The following ARHGEF4 variants were observed in gnomAD, a reference collection of about 807,000 sequenced individuals.
ARHGEF4 encodes the protein APC-stimulated guanine nucleotide exchange factor 1.
ARHGEF4 carries 119 observed loss-of-function variants against 162.0 expected under a neutral mutation model. The ratio of observed to expected loss-of-function variants is 0.73; its 90% confidence interval spans 0.63 to 0.86. The LOEUF (loss-of-function observed/expected upper bound fraction) is 0.86, where lower values mean the gene tolerates loss of function less well. ARHGEF4 is among the 40% of genes least tolerant of loss of function. The pLI, the probability that ARHGEF4 is intolerant of heterozygous loss-of-function variation, is 0.00. For missense variants in ARHGEF4, 2,488 were observed against 2,456.0 expected (o/e 1.01, Z -0.28); for synonymous variants, 1,014 against 979.9 (o/e 1.03, Z -0.65).
intron 10 of ARHGEF4, 59 bp from the exon 11 acceptor site, chr2:131,043,393 G>C: frequency 5.0e-6 from 8 of 1,605,154 alleles, no homozygotes; most frequent in Non-Finnish European, 6.8e-6. Context: ...GATGGGGGCA[G>C]GAAGTGGAGC....
intron 2 of ARHGEF4, among the ~76,000 whole-genome samples, chr2:130,922,037 A>C (rs2105074631): frequency 6.6e-6 from 1 of 152,066 alleles, no homozygotes; most frequent in South Asian, 2.1e-4. Flanking sequence ...TACCCTTGTC[A>C]AACTAAAATA....
intron 1 of ARHGEF4, among the ~76,000 whole-genome samples, chr2:130,845,088 C>T (rs971337705): frequency 1.3e-5 from 2 of 151,682 alleles, no homozygotes; most frequent in Non-Finnish European, 2.9e-5. Flanking sequence ...TCCCAAAGTG[C>T]TGGGATTACA....
Position 130,931,094 on chromosome 2 carries a change from CTG to C in ARHGEF4, c.3698_3699del (p.Val1233AlafsTer9). 1 of 1,614,220 alleles carries C rather than the reference CTG, an allele frequency of 6.2e-7. No homozygotes were observed. The highest frequency in any genetic ancestry group is 8.5e-7 in the Non-Finnish European group (1 of 1,180,036). On this transcript the variant is annotated frameshift_variant, in exon 3 of 14. Transcript: ENST00000409359. LOFTEE classifies it high-confidence loss of function. ...GCCCTCCTCTGCATCTCTGCAGAGA[CTG>C]TGCGTGGGGAGGCTCCTTCACAGCC...
chr2:131,006,417 C>G (rs1423566752), intron 4 of ARHGEF4, among the ~76,000 whole-genome samples: 1 of 152,230 alleles, frequency 6.6e-6, no homozygotes, highest in East Asian at 1.9e-4. Context: ...ATAATACATG[C>G]ATCCCTGCCC....
chr2:130,867,681 T>C (rs1682381357), intron 1 of ARHGEF4, among the ~76,000 whole-genome samples: 1 of 152,206 alleles, frequency 6.6e-6, no homozygotes, highest in Admixed American at 6.5e-5. Context: ...TCCCTTTTCC[T>C]CCTCTTTCAG....
intron 4 of ARHGEF4, among the ~76,000 whole-genome samples, chr2:131,024,967 A>G (rs897829340): frequency 1.3e-4 from 20 of 152,052 alleles, no homozygotes; most frequent in Admixed American, 1.3e-4. Context: ...GTAGCTGTGT[A>G]CAAGGTTAGC....
chr2:130,996,251 G>A (rs1410325633), intron 4 of ARHGEF4, among the ~76,000 whole-genome samples: 1 of 152,144 alleles, frequency 6.6e-6, no homozygotes, highest in Non-Finnish European at 1.5e-5. Flanking sequence ...CCCAGGCAAG[G>A]CAGCCCTGCA....
In ARHGEF4 at chr2:130,914,304, A is replaced by C. The variant is rs1681364300; in HGVS notation, c.358A>C (p.Thr120Pro). Residue 120 changes from threonine (T) to proline (P), a missense_variant, in exon 2 of 14, where the codon ACC becomes CCC. Around this residue, in one of 6 missense-constraint regions of ARHGEF4, gnomAD observed 171 missense variants for 169.4 expected, o/e 1.01. Transcript: ENST00000409359. ...ATGPPQEQHL[T>P]SVPGLHAKEE... ...TGGACCCCCTCAGGAGCAGCATTTG[A>C]CCAGTGTTCCTGGGCTTCATGCAAA... 3 of 1,508,378 alleles carry C rather than the reference A, an allele frequency of 2.0e-6. No individual in the cohort carries two copies. Among genetic ancestry groups the C allele is most frequent in the Non-Finnish European group, 2.7e-6 (3 of 1,131,564 alleles). The allele number at this position is 1,508,378 out of a possible 1,614,324, so 93.4% of individuals were successfully genotyped here.
intron 1 of ARHGEF4, among the ~76,000 whole-genome samples, chr2:130,886,507 T>G (rs984999277): frequency 6.6e-6 from 1 of 151,532 alleles, no homozygotes; most frequent in African/African-American, 2.4e-5. Flanking sequence ...GTGAAACCCC[T>G]TCTCTACTAA....
At chr2:130,845,076 C>T (rs1483751924) in intron 1 of ARHGEF4, among the ~76,000 whole-genome samples, 1 of 151,710 alleles carries the variant, frequency 6.6e-6, no homozygotes. Context: ...CCCTCCTCAG[C>T]CTCCCAAAGT....
rs1280064649 is a variant in ARHGEF4, at chr2:131,041,350, CAGA to C, written c.4787_4789del (p.Lys1596del). On this transcript the variant is annotated inframe_deletion, in exon 9 of 14. Coordinates refer to ENST00000409359, the MANE Select transcript of ARHGEF4 (RefSeq NM_001367493.1). Reference sequence around the variant, plus strand: ...CTTCTTCGAGGCCTGCCGGCTGCTGCAGAAGATGATTGACATCTCCCTGGATGG... The same window carrying C: ...CTTCTTCGAGGCCTGCCGGCTGCTGCAGATGATTGACATCTCCCTGGATGG... The C allele has an allele frequency of 6.2e-7, 1 of 1,613,532 alleles. No individual in the cohort carries two copies. Among genetic ancestry groups the C allele is most frequent in the East Asian group, 2.2e-5 (1 of 44,894 alleles).
In ARHGEF4 at chr2:130,915,162, C is replaced by T. The variant is rs1412921843; in HGVS notation, c.1216C>T (p.Pro406Ser). 1.3e-6 allele frequency: 2 copies of T among 1,550,606 alleles called. No individual in the cohort carries two copies. Among genetic ancestry groups the T allele is most frequent in the Non-Finnish European group, 1.7e-6 (2 of 1,146,998 alleles). Residue 406 changes from proline to serine, a missense_variant, in exon 2 of 14, where the codon CCT becomes TCT. Physicochemically the swap from Pro to Ser is moderately conservative, Grantham distance 74 (BLOSUM62 -1). This residue lies in a region of ARHGEF4 where 1,642 missense variants were observed against 1,481.5 expected (regional missense o/e 1.11). Transcript: ENST00000409359. ...GAPHLQGPCKPGGFRLQRASQ... is the reference protein window; with the variant it reads ...GAPHLQGPCKSGGFRLQRASQ... The stretch of plus-strand genomic sequence containing the variant: ...TCCCCATCTGCAGGGTCCCTGCAAG[C>T]CTGGTGGGTTTCGCTTGCAAAGGGC...
At chr2:130,933,282 ATTAAC>A (rs1682750263) in intron 3 of ARHGEF4, among the ~76,000 whole-genome samples, 2 of 151,678 alleles carry the variant, frequency 1.3e-5, no homozygotes, top group African/African-American at 4.8e-5. Flanking sequence ...ATTCTATCCT[ATTAAC>A]TTATATGTCT....
chr2:131,027,800 G>A (rs1689576972), intron 4 of ARHGEF4, 145 bp from the exon 5 acceptor site: 7 of 915,386 alleles, frequency 7.6e-6, no homozygotes, highest in Non-Finnish European at 1.1e-5. Flanking sequence ...GGCAAGGATG[G>A]TTTGAGAACC....
At chr2:131,028,144 A>G in intron 5 of ARHGEF4, 60 bp downstream of exon 5, 1 of 1,595,672 alleles carries the variant, frequency 6.3e-7, no homozygotes, top group Non-Finnish European at 8.5e-7. Context: ...GCTAGATTCC[A>G]GCACGCTAAT....
Position 131,040,201 on chromosome 2 carries a change from C to G in ARHGEF4, c.4482+9C>G. On this transcript the variant is annotated intron_variant, in intron 7 of 13. Coordinates refer to ENST00000409359, the MANE Select transcript of ARHGEF4 (RefSeq NM_001367493.1). Reference sequence around the variant, plus strand: ...TGCGCGACATCTGCGAGGTGAGGCCCGGCCGGCGGGCGGTGACTGGGGACC... The same window carrying G: ...TGCGCGACATCTGCGAGGTGAGGCCGGGCCGGCGGGCGGTGACTGGGGACC... 1 of 1,608,900 alleles carries G rather than the reference C, an allele frequency of 6.2e-7. No homozygotes were observed. The highest frequency in any genetic ancestry group is 8.5e-7 in the Non-Finnish European group (1 of 1,176,958).
At chr2:130,998,136 T>C (rs1687523836) in intron 4 of ARHGEF4, among the ~76,000 whole-genome samples, 1 of 152,226 alleles carries the variant, frequency 6.6e-6, no homozygotes, top group Non-Finnish European at 1.5e-5. Flanking sequence ...AAATCACAAG[T>C]CTTTTTCACA....
intron 3 of ARHGEF4, among the ~76,000 whole-genome samples, chr2:130,942,152 CTTTTT>C (rs36087462): frequency 7.7e-6 from 1 of 129,856 alleles, no homozygotes. Context: ...TTTCTTTTTT[CTTTTT>C]TTTTTTTTTT....
intron 4 of ARHGEF4, among the ~76,000 whole-genome samples, chr2:131,018,612 A>G (rs977319506): frequency 3.3e-5 from 5 of 152,168 alleles, no homozygotes; most frequent in Admixed American, 2.0e-4. Context: ...ATACAGTTCA[A>G]TTTACCTATT....
Sources: allele counts gnomAD v4.1 joint callset (sites outside exome capture counted in the v4.1 genomes callset), GRCh38; gene constraint gnomAD v4.1.1; regional missense constraint gnomAD v4.1.1; transcripts MANE v1.5; gene names NCBI Gene and HGNC (gene_info 2026-07-23, HGNC 2026-07-21).